Variants in CACNA1I observed in about 807,000 individuals in gnomAD.
CACNA1I encodes the protein calcium voltage-gated channel subunit alpha1 I, also known as voltage-dependent T-type calcium channel subunit alpha-1I.
CACNA1I carries 74 observed loss-of-function variants against 201.6 expected under a neutral mutation model. The ratio of observed to expected loss-of-function variants is 0.37; its 90% CI spans 0.30 to 0.45. The LOEUF (loss-of-function observed/expected upper bound fraction) is 0.45. CACNA1I is among the 20% of genes least tolerant of loss of function. The pLI is 1.00. For synonymous variants in CACNA1I, 1,431 were observed against 1,345.2 expected (o/e 1.06, Z -1.40); for missense variants, 2,346 against 3,138.1 (o/e 0.75, Z 6.03).
intron 4 of CACNA1I, among the ~76,000 whole-genome samples, chr22:39,627,052 C>A (rs985070774): frequency 6.6e-6 from 1 of 152,224 alleles, no homozygotes; most frequent in African/African-American, 2.4e-5. Flanking sequence ...CCCGTGTTCA[C>A]CTGACCCTAC....
intron 4 of CACNA1I, among the ~76,000 whole-genome samples, chr22:39,625,653 C>T (rs1177222571): frequency 1.3e-5 from 2 of 152,150 alleles, no homozygotes; most frequent in Non-Finnish European, 2.9e-5. Context: ...GTTCAGGCCA[C>T]TCAGCCTCTG....
Position 39,598,216 on chromosome 22 carries a change from C to T in CACNA1I, c.302C>T (p.Pro101Leu). The T allele has an allele frequency of 1.2e-6, 2 of 1,608,716 alleles. No homozygotes were observed. Among genetic ancestry groups the T allele is most frequent in the Non-Finnish European group, 1.7e-6 (2 of 1,178,008 alleles). Residue 101 changes from proline to leucine, a missense_variant, in exon 2 of 37, where the codon CCG becomes CTG. Physicochemically the swap from Pro to Leu is moderately conservative, Grantham distance 98. Coordinates refer to ENST00000402142, the MANE Select transcript of CACNA1I (RefSeq NM_021096.4). ...TGCGTGACACTTGGCATGTACCAGCCGTGCGACGACATGGACTGCCTGTCC... is the reference window on the plus strand; with the variant it reads ...TGCGTGACACTTGGCATGTACCAGCTGTGCGACGACATGGACTGCCTGTCC... ...LNCVTLGMYQ[P>L]CDDMDCLSDR...
At chr22:39,591,346 G>C in intron 1 of CACNA1I, among the ~76,000 whole-genome samples, 1 of 150,722 alleles carries the variant, frequency 6.6e-6, no homozygotes, top group Non-Finnish European at 1.5e-5. Flanking sequence ...ATTTTTAGTA[G>C]AGACGGGGTT....
intron 5 of CACNA1I, among the ~76,000 whole-genome samples, chr22:39,638,020 G>A (rs551456105): frequency 2.6e-5 from 4 of 152,032 alleles, no homozygotes; most frequent in South Asian, 2.1e-4. Flanking sequence ...TGCCACCTCC[G>A]CCTCCCAGGT....
At chr22:39,594,073 C>T (rs1040585807) in intron 1 of CACNA1I, among the ~76,000 whole-genome samples, 10 of 152,084 alleles carry the variant, frequency 6.6e-5, no homozygotes, top group East Asian at 1.9e-4. Flanking sequence ...AGAGACAGGC[C>T]GTACTTCACA....
Position 39,684,223 on chromosome 22 carries a change from G to T in CACNA1I, c.5831-79G>T. 1 of 1,246,994 alleles carries T rather than the reference G, an allele frequency of 8.0e-7. No homozygotes were observed. The highest frequency in any genetic ancestry group is 1.2e-6 in the Non-Finnish European group (1 of 869,366). 77.2% of individuals were successfully genotyped at this position (1,246,994 alleles called of 1,614,324 possible). On this transcript the variant is annotated intron_variant, in intron 35 of 36. Coordinates refer to ENST00000402142, the MANE Select transcript of CACNA1I (RefSeq NM_021096.4). The surrounding 1 kb of genome is among the most constrained non-coding windows in gnomAD (Gnocchi z 4.6). ...CCCTCACTGCTGGCCCAGTGAGATT[G>T]GTGCTCAATGCCACCTTCCAGGGGC...
chr22:39,572,289 GTCCCA>G (rs1932210492), intron 1 of CACNA1I, among the ~76,000 whole-genome samples: 1 of 152,032 alleles, frequency 6.6e-6, no homozygotes, highest in South Asian at 2.1e-4. Flanking sequence ...TGGTTTGAGG[GTCCCA>G]CCAAAAAATG....
Position 39,598,300 on chromosome 22 carries a change from A to T in CACNA1I, c.348+38A>T, listed in dbSNP as rs542291018. ...CCCCGCCCCGCCCCGCCCTGCCCTC[A>T]TCCTCCAGGACCCGGCCTATGCCCC... is the stretch of plus-strand genomic sequence containing the variant. On this transcript the variant is annotated intron_variant, in intron 2 of 36. Coordinates refer to ENST00000402142, the MANE Select transcript of CACNA1I (RefSeq NM_021096.4). The T allele has an allele frequency of 2.5e-3, 1,377 of 546,966 alleles. 3 individuals are homozygous for T. The highest frequency in any genetic ancestry group is 2.9e-3 in the Non-Finnish European group (1,229 of 418,588). 33.9% of individuals were successfully genotyped at this position (546,966 alleles called of 1,614,324 possible).
chr22:39,680,229 C>T lies in CACNA1I; in HGVS notation c.5541+361C>T, dbSNP rs371369462. ...TCATCTGCCCGCTCTTCCCCCAAGG[C>T]ATCATCCTGGCACTCAACCTCCTCC... is the stretch of plus-strand genomic sequence containing the variant. On this transcript the variant is annotated intron_variant, in intron 33 of 36. Coordinates refer to ENST00000402142, the MANE Select transcript of CACNA1I (RefSeq NM_021096.4). Among the ~76,000 whole-genome samples the T allele has an allele frequency of 7.9e-5, 12 of 152,318 alleles. 1 individual carries two copies. Among genetic ancestry groups the T allele is most frequent in the Admixed American group, 2.0e-4 (3 of 15,314 alleles).
At chr22:39,584,208 G>GGAAGGGTTTAGGTGGTGAAAT (rs1370779232) in intron 1 of CACNA1I, among the ~76,000 whole-genome samples, 5 of 152,190 alleles carry the variant, frequency 3.3e-5, no homozygotes, top group Non-Finnish European at 7.3e-5. Context: ...TGGGCAGAAA[G>GGAAGGGTTTAGGTGGTGAAAT]GAAGGGTTTA....
At chr22:39,660,059 C>A (rs9623039) in intron 14 of CACNA1I, among the ~76,000 whole-genome samples, 4 of 152,122 alleles carry the variant, frequency 2.6e-5, no homozygotes, top group Admixed American at 1.3e-4. Flanking sequence ...TGCTCCCCCC[C>A]AGGGATGTAG....
rs550638408 is a variant in CACNA1I at position 39,662,624 on chromosome 22, G to A, written c.3373-152G>A. On this transcript the variant is annotated intron_variant, in intron 17 of 36. Coordinates refer to ENST00000402142, the MANE Select transcript of CACNA1I (RefSeq NM_021096.4). Reference sequence around the variant, plus strand: ...GAACTGCCCACACCTGAGCTGGGCCGGCTCCTGGGAGAGAAGCCCTCCCTG... The same window carrying A: ...GAACTGCCCACACCTGAGCTGGGCCAGCTCCTGGGAGAGAAGCCCTCCCTG... Among the ~76,000 whole-genome samples, 275 of 152,206 alleles carry A rather than the reference G, an allele frequency of 1.8e-3. 1 individual carries two copies. The highest frequency in any genetic ancestry group is 6.3e-3 in the African/African-American group (260 of 41,570).
At chr22:39,654,045 C>A (rs1934740362) in intron 10 of CACNA1I, among the ~76,000 whole-genome samples, 1 of 152,228 alleles carries the variant, frequency 6.6e-6, no homozygotes, top group South Asian at 2.1e-4. Flanking sequence ...TCATCACCGC[C>A]ATCACTGCAT....
intron 4 of CACNA1I, among the ~76,000 whole-genome samples, chr22:39,626,067 C>A (rs2146401911): frequency 6.6e-6 from 1 of 152,318 alleles, no homozygotes; most frequent in Non-Finnish European, 1.5e-5. Flanking sequence ...CTCACAGTCC[C>A]TGACAATGCT....
chr22:39,616,717 T>C (rs897138356), intron 3 of CACNA1I, among the ~76,000 whole-genome samples: 2 of 143,582 alleles, frequency 1.4e-5, no homozygotes, highest in African/African-American at 2.7e-5. Flanking sequence ...TGAGCTAAGA[T>C]AGTGCCATTG....
At chr22:39,680,423 G>C (rs1935669000) in intron 33 of CACNA1I, among the ~76,000 whole-genome samples, 1 of 152,174 alleles carries the variant, frequency 6.6e-6, no homozygotes, top group Non-Finnish European at 1.5e-5. Context: ...CCCAGCCTCA[G>C]GTGGCTGCAG....
chr22:39,665,175 A>G lies in CACNA1I; in HGVS notation c.3851+252A>G, dbSNP rs1016553650. Among the ~76,000 whole-genome samples the G allele has an allele frequency of 6.6e-6, 1 of 152,228 alleles. No individual in the cohort carries two copies. Among genetic ancestry groups the G allele is most frequent in the Middle Eastern group, 3.4e-3 (1 of 294 alleles). ...GCGTGTCCCTGAGTGGCTCGTTGCCATCTCTGGGTATCAGTCCCTAGACCA... is the reference window on the plus strand; with the variant it reads ...GCGTGTCCCTGAGTGGCTCGTTGCCGTCTCTGGGTATCAGTCCCTAGACCA... On this transcript the variant is annotated intron_variant, in intron 21 of 36. Transcript: ENST00000402142. The surrounding 1 kb of genome is among the most constrained non-coding windows in gnomAD (Gnocchi z 5.5).
intron 1 of CACNA1I, among the ~76,000 whole-genome samples, chr22:39,572,728 C>T (rs553628747): frequency 3.3e-5 from 5 of 151,398 alleles, no homozygotes; most frequent in African/African-American, 9.7e-5. Flanking sequence ...AGGGAGTGCC[C>T]GGGGAAGAGG....
Position 39,649,728 on chromosome 22 carries a change from G to T in CACNA1I, c.1795G>T (p.Asp599Tyr). ...ADGDGARSSE[D>Y]GASSELGKEE... ...TGGGGACGGGGCCCGGAGCAGCGAG[G>T]ACGGAGCCTCCTCAGAACTGGGGAA... Residue 599 changes from aspartate (D) to tyrosine (Y), a missense_variant, in exon 10 of 37, where the codon GAC becomes TAC. Physicochemically the swap from Asp to Tyr is radical, Grantham distance 160 (BLOSUM62 -3). Around this residue, in one of 13 missense-constraint regions of CACNA1I, gnomAD observed 312 missense variants for 331.5 expected, o/e 0.94. Transcript: ENST00000402142. This position sits in a 1 kb window ranked among gnomAD's most constrained non-coding sequence, Gnocchi z 7.3. The T allele has an allele frequency of 6.4e-7, 1 of 1,553,932 alleles. No individual in the cohort carries two copies. The highest frequency in any genetic ancestry group is 8.7e-7 in the Non-Finnish European group (1 of 1,149,734).
Sources: allele counts gnomAD v4.1 joint callset (sites outside exome capture counted in the v4.1 genomes callset), GRCh38; gene constraint gnomAD v4.1.1; regional missense constraint gnomAD v4.1.1; non-coding constraint Gnocchi (gnomAD v3.1); transcripts MANE v1.5; gene names NCBI Gene and HGNC (gene_info 2026-07-23, HGNC 2026-07-21).